TSHZ3: variants seen among roughly 807,000 people sequenced by gnomAD.
TSHZ3 encodes teashirt homolog 3.
Under a neutral mutation model 64.5 loss-of-function variants are expected in TSHZ3, and 10 were observed. The ratio of observed to expected loss-of-function variants is 0.16; its 90% CI spans 0.10 to 0.26. The LOEUF is 0.26. TSHZ3 is among the 10% of genes least tolerant of loss of function. The pLI, the probability that TSHZ3 is intolerant of heterozygous loss-of-function variation, is 1.00. For synonymous variants in TSHZ3, 608 were observed against 593.1 expected (o/e 1.03, Z -0.36); for missense variants, 1,242 against 1,421.7 (o/e 0.87, Z 2.03).
intron 4 of TSHZ3, among the ~76,000 whole-genome samples, chr19:31,218,446 G>A (rs1484745357): frequency 6.6e-6 from 1 of 152,150 alleles, no homozygotes; most frequent in Non-Finnish European, 1.5e-5. Flanking sequence ...TTCATTCATT[G>A]TTGGTAGAAA....
At chr19:31,255,107 C>G (rs1975892243) in intron 1 of TSHZ3, among the ~76,000 whole-genome samples, 1 of 152,158 alleles carries the variant, frequency 6.6e-6, no homozygotes, top group Admixed American at 6.5e-5. Context: ...TTTCCTGGCT[C>G]TCTGGTGACT....
chr19:31,337,801 C>G (rs1188004513), intron 1 of TSHZ3, among the ~76,000 whole-genome samples: 2 of 151,736 alleles, frequency 1.3e-5, no homozygotes, highest in East Asian at 3.9e-4. Context: ...CCATTTCTTT[C>G]CTGTTCATGG....
At chr19:31,348,943 G>C in intron 1 of TSHZ3, 1 of 498,230 alleles carries the variant, frequency 2.0e-6, no homozygotes, top group Non-Finnish European at 3.5e-6. Flanking sequence ...GGCTCAGCGC[G>C]CTCCGCGAGC....
intron 5 of TSHZ3, among the ~76,000 whole-genome samples, chr19:31,192,543 A>T (rs1275084090): frequency 6.6e-6 from 1 of 152,190 alleles, no homozygotes; most frequent in East Asian, 1.9e-4. Context: ...ATGTTTACTT[A>T]TATTTTATTT....
At chr19:31,308,974 G>A (rs547056697) in intron 1 of TSHZ3, among the ~76,000 whole-genome samples, 5 of 152,326 alleles carry the variant, frequency 3.3e-5, no homozygotes, top group South Asian at 2.1e-4. Context: ...CCAGCCTGCC[G>A]TCCTCCCCAA....
chr19:31,306,872 T>C (rs530333996), intron 1 of TSHZ3, among the ~76,000 whole-genome samples: 1 of 152,312 alleles, frequency 6.6e-6, no homozygotes, highest in Non-Finnish European at 1.5e-5. Flanking sequence ...TAATATTTTT[T>C]AACATTCCAG....
intron 4 of TSHZ3, among the ~76,000 whole-genome samples, chr19:31,218,597 C>T (rs1168859280): frequency 6.6e-6 from 1 of 152,198 alleles, no homozygotes; most frequent in African/African-American, 2.4e-5. Context: ...AAAACTCCCA[C>T]GTGGATATGT....
intron 1 of TSHZ3, among the ~76,000 whole-genome samples, chr19:31,343,126 C>G (rs1301938819): frequency 1.3e-5 from 2 of 152,196 alleles, no homozygotes; most frequent in Non-Finnish European, 2.9e-5. Context: ...CTTGTGCCCT[C>G]CCTCCCGACA....
In TSHZ3 at chr19:31,276,468, A is replaced by G. The variant is rs1568365851; in HGVS notation, c.*79T>C. The G allele has an allele frequency of 3.0e-6, 4 of 1,349,058 alleles. No homozygotes were observed. Among genetic ancestry groups the G allele is most frequent in the Non-Finnish European group, 4.1e-6 (4 of 984,034 alleles). 83.6% of individuals were successfully genotyped at this position (1,349,058 alleles called of 1,614,324 possible). On this transcript the variant is annotated 3_prime_UTR_variant, in exon 2 of 2. Transcript: ENST00000240587. ...AAAATAAGAACATGTGCCAAGAACA[A>G]CAAGTCAGAGGGGGCCTGAAGGTGC...
At chr19:31,330,164 A>G (rs1917040012) in intron 1 of TSHZ3, among the ~76,000 whole-genome samples, 1 of 151,912 alleles carries the variant, frequency 6.6e-6, no homozygotes, top group African/African-American at 2.4e-5. Context: ...TGATAACCAA[A>G]AGGTTGGTTT....
At chr19:31,322,264 T>A (rs531227227) in intron 1 of TSHZ3, among the ~76,000 whole-genome samples, 4 of 151,698 alleles carry the variant, frequency 2.6e-5, no homozygotes, top group Admixed American at 2.0e-4. Flanking sequence ...GCCTCCCAAG[T>A]ATCTGGGATT....
At position 31,278,711 on chromosome 19, in the gene TSHZ3, G is replaced by A. The variant is rs200286730; in HGVS notation, c.1082C>T (p.Thr361Met). Residue 361 changes from threonine to methionine, a missense_variant, in exon 2 of 2, where the codon ACG becomes ATG. Around this residue, in one of 4 missense-constraint regions of TSHZ3, gnomAD observed 555 missense variants for 704.0 expected, o/e 0.79. Transcript: ENST00000240587. The surrounding 1 kb of genome is among the most constrained non-coding windows in gnomAD (Gnocchi z 4.7). ...CTGGTGGCCGTACCGATTATTTGGC[G>A]TGATGTAAGGGTTGGAGTTCTTCTG... ...ALQKNSNPYI[T>M]PNNRYGHQNG... 39 of 1,614,150 alleles carry A rather than the reference G, an allele frequency of 2.4e-5. No individual in the cohort carries two copies. The highest frequency in any genetic ancestry group is 2.9e-5 in the Non-Finnish European group (34 of 1,180,032).
At chr19:31,262,644 C>A (rs925603027) in intron 1 of TSHZ3, among the ~76,000 whole-genome samples, 10 of 152,040 alleles carry the variant, frequency 6.6e-5, no homozygotes, top group African/African-American at 2.2e-4. Flanking sequence ...AAAATCTTAT[C>A]TTTAAATAAT....
chr19:31,256,374 C>G (rs1209546713), intron 1 of TSHZ3, among the ~76,000 whole-genome samples: 1 of 152,114 alleles, frequency 6.6e-6, no homozygotes, highest in Non-Finnish European at 1.5e-5. Context: ...TTTCCAGGTG[C>G]AGTAGACAGA....
intron 1 of TSHZ3, among the ~76,000 whole-genome samples, chr19:31,316,013 G>C (rs1420040770): frequency 2.0e-5 from 3 of 152,172 alleles, no homozygotes; most frequent in Non-Finnish European, 4.4e-5. Context: ...TTGGGAGAGA[G>C]TGGCAAGGTG....
intron 1 of TSHZ3, among the ~76,000 whole-genome samples, chr19:31,251,221 C>G (rs940522363): frequency 6.6e-6 from 1 of 152,100 alleles, no homozygotes; most frequent in African/African-American, 2.4e-5. Context: ...GATCCTTGTC[C>G]CAGGGCAAGG....
At chr19:31,289,657 T>C (rs187976710) in intron 1 of TSHZ3, among the ~76,000 whole-genome samples, 17 of 152,176 alleles carry the variant, frequency 1.1e-4, no homozygotes, top group Non-Finnish European at 2.2e-4. Context: ...GGGGTGGGGT[T>C]CGGAGCCAGA....
At chr19:31,200,534 G>C (rs1599578401) in intron 5 of TSHZ3, among the ~76,000 whole-genome samples, 1 of 152,302 alleles carries the variant, frequency 6.6e-6, no homozygotes, top group East Asian at 1.9e-4. Flanking sequence ...CAAAATGATG[G>C]AGACAGTAAA....
At chr19:31,263,699 C>G (rs185581945) in intron 1 of TSHZ3, among the ~76,000 whole-genome samples, 16 of 152,186 alleles carry the variant, frequency 1.1e-4, no homozygotes, top group South Asian at 1.0e-3. Context: ...GGGTCCCCCC[C>G]ACTCCTCACA....
Sources: gnomAD v4.1 joint callset for allele counts (sites outside exome capture counted in the v4.1 genomes callset) on GRCh38, gnomAD v4.1.1 for gene constraint, gnomAD v4.1.1 regional missense constraint, Gnocchi (gnomAD v3.1) non-coding constraint, MANE v1.5 for transcripts, NCBI Gene and HGNC (gene_info 2026-07-23, HGNC 2026-07-21) for gene names.